CRYZL1: variants seen among roughly 807,000 people sequenced by gnomAD.
CRYZL1 encodes crystallin zeta like 1.
Under a neutral mutation model 50.6 loss-of-function variants are expected in CRYZL1, and 34 were observed. The observed-to-expected ratio is 0.67, with a 90% CI of 0.51 to 0.89. The LOEUF (loss-of-function observed/expected upper bound fraction) is 0.89, where lower values mean the gene tolerates loss of function less well. CRYZL1 is among the 40% of genes least tolerant of loss of function. The pLI, the probability that CRYZL1 is intolerant of heterozygous loss-of-function variation, is 0.00. For synonymous variants in CRYZL1, 125 were observed against 134.3 expected (o/e 0.93, Z 0.48); for missense variants, 354 against 402.3 (o/e 0.88, Z 1.03).
In CRYZL1 at chr21:33,613,601, A is replaced by C; in HGVS notation, c.268T>G (p.Leu90Val). 6.2e-7 allele frequency: 1 copy of C among 1,610,564 alleles called. No individual in the cohort carries two copies. The highest frequency in any genetic ancestry group is 1.3e-5 in the African/African-American group (1 of 74,986). Residue 90 changes from leucine (L) to valine (V), a missense_variant, in exon 6 of 13, where the codon TTG (leucine) becomes GTG (valine). Leu to Val is a conservative substitution (Grantham distance 32). Coordinates refer to ENST00000381554, the MANE Select transcript of CRYZL1 (RefSeq NM_145858.3). ...FQPDDEVVGILPLDSEDPGLC... is the reference protein window; with the variant it reads ...FQPDDEVVGIVPLDSEDPGLC... ...CCAGGGTCTTCAGAGTCCAGGGGCA[A>C]AATTCCTAAAAATCAAAACAAGAAA...
At chr21:33,599,036 A>G in intron 9 of CRYZL1, 114 bp downstream of exon 9, 2 of 902,248 alleles carry the variant, frequency 2.2e-6, no homozygotes, top group Non-Finnish European at 3.4e-6. Flanking sequence ...AAAACCTAAA[A>G]CTGAACATCT....
chr21:33,638,959 C>T (rs2087243668), intron 1 of CRYZL1, among the ~76,000 whole-genome samples: 1 of 152,162 alleles, frequency 6.6e-6, no homozygotes, highest in Non-Finnish European at 1.5e-5. Context: ...TTGTGACAAT[C>T]TTGATAAATA....
chr21:33,640,780 G>A (rs1266258622), intron 1 of CRYZL1, among the ~76,000 whole-genome samples: 1 of 152,184 alleles, frequency 6.6e-6, no homozygotes, highest in Non-Finnish European at 1.5e-5. Flanking sequence ...ACTGTGTCTA[G>A]TCGGAATTGA....
chr21:33,632,160 T>TAAA (rs753671237), intron 1 of CRYZL1, among the ~76,000 whole-genome samples: 3 of 90,894 alleles, frequency 3.3e-5, no homozygotes, highest in Admixed American at 1.2e-4. Context: ...CCATCTCTAC[T>TAAA]AAAAAAAAAA....
Position 33,589,830 on chromosome 21 carries a change from G to A in CRYZL1, c.1042C>T (p.Gln348Ter). 1.2e-6 allele frequency: 2 copies of A among 1,602,966 alleles called. No homozygotes were observed. Among genetic ancestry groups the A allele is most frequent in the Non-Finnish European group, 1.7e-6 (2 of 1,170,390 alleles). The change falls in exon 13 of 13, where the codon CAA becomes TAA. Residue 348 changes from glutamine (Q) to a stop codon, truncating the protein, a stop_gained. Coordinates refer to ENST00000381554, the MANE Select transcript of CRYZL1 (RefSeq NM_145858.3). LOFTEE classifies it high-confidence loss of function. Reference sequence around the variant, plus strand: ...TCTGAGAAAGAAGAAAATTAAAATTGAACAACTTGCTTTTTTCTTCCTTGA... The same window carrying A: ...TCTGAGAAAGAAGAAAATTAAAATTAAACAACTTGCTTTTTTCTTCCTTGA... ...KNQGRKKQVV[Q>*]F
intron 7 of CRYZL1, chr21:33,603,186 T>C (rs1397567647): frequency 2.0e-6 from 1 of 496,052 alleles, no homozygotes. Flanking sequence ...GTCTTTTTAA[T>C]GTACCAGCAG....
chr21:33,595,726 G>T lies in CRYZL1; in HGVS notation c.904+5C>A. 6.2e-7 allele frequency: 1 copy of T among 1,611,934 alleles called. No homozygotes were observed. Among genetic ancestry groups the T allele is most frequent in the South Asian group, 1.1e-5 (1 of 91,034 alleles). On this transcript the variant is annotated splice_donor_5th_base_variant and intron_variant, in intron 11 of 12. Transcript: ENST00000381554. ...AGAAACTCAATCAGTCGATAAAAAGGATATAAAGATATTTTCCCTGTTGTA... is the reference window on the plus strand; with the variant it reads ...AGAAACTCAATCAGTCGATAAAAAGTATATAAAGATATTTTCCCTGTTGTA...
chr21:33,600,933 G>GGTTTTTT, intron 8 of CRYZL1, among the ~76,000 whole-genome samples: 2 of 59,520 alleles, frequency 3.4e-5, no homozygotes, highest in Non-Finnish European at 3.1e-5. Flanking sequence ...GGTCCATAAA[G>GGTTTTTT]TTTTTTTTTT....
intron 2 of CRYZL1, among the ~76,000 whole-genome samples, chr21:33,631,191 A>G (rs1216902050): frequency 6.6e-6 from 1 of 152,244 alleles, no homozygotes; most frequent in African/African-American, 2.4e-5. Flanking sequence ...TAGATATGCT[A>G]ATTACCCTGA....
intron 2 of CRYZL1, among the ~76,000 whole-genome samples, chr21:33,625,304 C>T (rs754985528): frequency 2.6e-5 from 4 of 151,806 alleles, no homozygotes; most frequent in African/African-American, 9.7e-5. Flanking sequence ...TACAGGCACC[C>T]GCCACCATGC....
At chr21:33,633,657 T>C (rs1350881491) in intron 1 of CRYZL1, 2 of 152,204 alleles carry the variant, frequency 1.3e-5, no homozygotes, top group Non-Finnish European at 2.9e-5. Flanking sequence ...TTGTGATCCG[T>C]CTGCCTCGGC....
chr21:33,618,150 G>T (rs1331507690), intron 4 of CRYZL1, among the ~76,000 whole-genome samples: 1 of 152,036 alleles, frequency 6.6e-6, no homozygotes, highest in Non-Finnish European at 1.5e-5. Context: ...TTAGCCGGGC[G>T]TGGTGGTGGG....
chr21:33,640,005 T>C (rs2087259362), intron 1 of CRYZL1: 2 of 611,762 alleles, frequency 3.3e-6, no homozygotes, highest in Non-Finnish European at 5.2e-6. Flanking sequence ...TCTGTATTTT[T>C]AGTAGACACG....
intron 1 of CRYZL1, among the ~76,000 whole-genome samples, chr21:33,634,019 T>C (rs748069936): frequency 3.9e-5 from 6 of 152,218 alleles, no homozygotes; most frequent in Non-Finnish European, 7.3e-5. Flanking sequence ...TCGGACGTGA[T>C]AATCAAACGC....
intron 8 of CRYZL1, among the ~76,000 whole-genome samples, chr21:33,601,056 C>T (rs2086751493): frequency 6.6e-6 from 1 of 151,110 alleles, no homozygotes; most frequent in Non-Finnish European, 1.5e-5. Flanking sequence ...CCTGCCTTAG[C>T]CTCCTGAGTA....
intron 1 of CRYZL1, among the ~76,000 whole-genome samples, chr21:33,638,409 T>G (rs1343867365): frequency 6.6e-6 from 1 of 152,122 alleles, no homozygotes; most frequent in Non-Finnish European, 1.5e-5. Context: ...GAGATGGGGT[T>G]TCACCATGTT....
intron 6 of CRYZL1, among the ~76,000 whole-genome samples, chr21:33,606,208 A>G (rs1182905427): frequency 1.3e-5 from 2 of 152,230 alleles, no homozygotes; most frequent in African/African-American, 4.8e-5. Flanking sequence ...ATGACTTTAA[A>G]GCACATCTAT....
intron 11 of CRYZL1, chr21:33,595,415 C>G (rs2086683791): frequency 7.5e-7 from 1 of 1,341,886 alleles, no homozygotes; most frequent in Admixed American, 2.2e-5. Flanking sequence ...TTCCAGGTAT[C>G]TTAGGGCTCA....
intron 2 of CRYZL1, among the ~76,000 whole-genome samples, 175 bp downstream of exon 2, chr21:33,631,311 C>T (rs1354014370): frequency 2.0e-5 from 3 of 152,122 alleles, no homozygotes; most frequent in Non-Finnish European, 1.5e-5. Context: ...AATAGTTAAA[C>T]TACTATATGA....
Sources: allele counts gnomAD v4.1 joint callset (sites outside exome capture counted in the v4.1 genomes callset), GRCh38; gene constraint gnomAD v4.1.1; transcripts MANE v1.5; gene names NCBI Gene and HGNC (gene_info 2026-07-23, HGNC 2026-07-21).